The following CTNND2 variants were observed in gnomAD, a reference collection of about 807,000 sequenced individuals.
CTNND2 encodes the protein catenin delta-2.
CTNND2 carries 22 observed loss-of-function variants against 144.4 expected under a neutral mutation model. That is an observed-to-expected ratio of 0.15 (90% confidence interval 0.11 to 0.22). CTNND2 has a LOEUF of 0.22. CTNND2 is among the 10% of genes least tolerant of loss of function. The pLI, the probability that CTNND2 is intolerant of heterozygous loss-of-function variation, is 1.00. For missense variants in CTNND2, 1,353 were observed against 1,618.8 expected (o/e 0.84, Z 2.82); for synonymous variants, 751 against 695.6 (o/e 1.08, Z -1.25).
chr5:11,415,813 CG>C (rs1761891684), intron 3 of CTNND2, among the ~76,000 whole-genome samples: 1 of 151,878 alleles, frequency 6.6e-6, no homozygotes, highest in Non-Finnish European at 1.5e-5. Flanking sequence ...GTCACAAAAG[CG>C]TATGAGAGGA....
At chr5:11,794,155 G>A (rs750349474) in intron 1 of CTNND2, among the ~76,000 whole-genome samples, 2 of 152,322 alleles carry the variant, frequency 1.3e-5, no homozygotes, top group Non-Finnish European at 2.9e-5. Context: ...TTCATTCACA[G>A]ACAAGCTTCC....
intron 10 of CTNND2, among the ~76,000 whole-genome samples, chr5:11,214,549 C>T (rs148613371): frequency 6.6e-6 from 1 of 152,244 alleles, no homozygotes; most frequent in East Asian, 1.9e-4. Context: ...CTACATTCTG[C>T]ACACACAGTA....
At chr5:11,821,398 G>A (rs1793299425) in intron 1 of CTNND2, among the ~76,000 whole-genome samples, 1 of 152,088 alleles carries the variant, frequency 6.6e-6, no homozygotes, top group South Asian at 2.1e-4. Flanking sequence ...ATACATGAAA[G>A]AATTCATAGA....
chr5:11,564,914 CACAG>C, intron 3 of CTNND2, 26 bp downstream of exon 3: 1 of 1,479,466 alleles, frequency 6.8e-7, no homozygotes, highest in South Asian at 1.2e-5. Context: ...CAACTCAAAG[CACAG>C]ACAATGAACA....
chr5:11,765,034 G>GCCCCCCCCCC (rs35099305), intron 1 of CTNND2, among the ~76,000 whole-genome samples: 16 of 143,922 alleles, frequency 1.1e-4, no homozygotes, highest in African/African-American at 2.7e-4. Flanking sequence ...CATTAATCCT[G>GCCCCCCCCCC]CCCCCCCCAC....
At chr5:11,448,846 T>A in intron 3 of CTNND2, among the ~76,000 whole-genome samples, 1 of 152,094 alleles carries the variant, frequency 6.6e-6, no homozygotes, top group East Asian at 1.9e-4. Flanking sequence ...TTGTGTTTTT[T>A]TTTGCTTGTT....
intron 2 of CTNND2, among the ~76,000 whole-genome samples, chr5:11,712,607 G>T (rs1482491050): frequency 3.9e-5 from 6 of 152,048 alleles, no homozygotes. Flanking sequence ...AAACTCTAAA[G>T]TTTCTTATTT....
intron 9 of CTNND2, among the ~76,000 whole-genome samples, chr5:11,310,076 T>C (rs1177127473): frequency 3.9e-5 from 6 of 152,158 alleles, no homozygotes; most frequent in Non-Finnish European, 8.8e-5. Flanking sequence ...TTTTTTTGTT[T>C]GTTTGTTTTA....
At chr5:11,420,147 C>T (rs1762252787) in intron 3 of CTNND2, among the ~76,000 whole-genome samples, 1 of 152,036 alleles carries the variant, frequency 6.6e-6, no homozygotes, top group African/African-American at 2.4e-5. Context: ...CACAGTGAAA[C>T]CCCATCTCTG....
chr5:11,510,121 T>C (rs570494148), intron 3 of CTNND2, among the ~76,000 whole-genome samples: 17 of 152,192 alleles, frequency 1.1e-4, no homozygotes, highest in African/African-American at 4.1e-4. Flanking sequence ...TTTATTTTTG[T>C]AGAGATGATG....
At chr5:11,443,719 A>AT (rs35601755) in intron 3 of CTNND2, among the ~76,000 whole-genome samples, 25,887 of 151,996 alleles carry the variant, frequency 0.17, 3,711 homozygotes, top group African/African-American at 0.4. Flanking sequence ...TAGAAGAAAT[A>AT]TTTTTTTCAC....
chr5:11,641,687 CGTGTGTGTATATACATATACGT>C (rs1782025848), intron 2 of CTNND2, among the ~76,000 whole-genome samples: 1 of 115,188 alleles, frequency 8.7e-6, no homozygotes, highest in Non-Finnish European at 1.8e-5. Context: ...TATACATATA[CGTGTGTGTATATACATATACGT>C]GTGTGTATAC....
chr5:11,588,566 G>C (rs1455356074), intron 2 of CTNND2, among the ~76,000 whole-genome samples: 1 of 152,152 alleles, frequency 6.6e-6, no homozygotes, highest in African/African-American at 2.4e-5. Context: ...ATGTTCAGAT[G>C]CTGAATAAAT....
intron 2 of CTNND2, among the ~76,000 whole-genome samples, chr5:11,623,776 CCTAA>C (rs1434763599): frequency 7.9e-6 from 1 of 126,474 alleles, no homozygotes; most frequent in Admixed American, 8.4e-5. Flanking sequence ...AAGAAGAAGA[CCTAA>C]CTATCGTAAA....
intron 11 of CTNND2, among the ~76,000 whole-genome samples, chr5:11,173,211 A>G (rs1178990748): frequency 6.6e-6 from 1 of 152,226 alleles, no homozygotes; most frequent in African/African-American, 2.4e-5. Flanking sequence ...CAGCTAATGG[A>G]AGAATAAGTA....
chr5:11,330,109 C>CTG (rs1752937810), intron 9 of CTNND2, among the ~76,000 whole-genome samples: 1 of 151,996 alleles, frequency 6.6e-6, no homozygotes. Context: ...TGTACGTTGC[C>CTG]TGTGTTGCCT....
chr5:11,419,968 T>C (rs112833113), intron 3 of CTNND2, among the ~76,000 whole-genome samples: 6,197 of 152,196 alleles, frequency 0.041, 165 homozygotes, highest in Non-Finnish European at 0.058. Context: ...TTAGTCTGCT[T>C]TTGAGTTAAG....
At chr5:11,880,517 C>CACT (rs1553989088) in intron 1 of CTNND2, among the ~76,000 whole-genome samples, 24 of 95,652 alleles carry the variant, frequency 2.5e-4, no homozygotes, top group African/African-American at 6.5e-4. Context: ...CTACTACTAC[C>CACT]ACTACTACTA....
intron 12 of CTNND2, among the ~76,000 whole-genome samples, chr5:11,158,792 C>T (rs1240879937): frequency 6.6e-6 from 1 of 152,146 alleles, no homozygotes; most frequent in Non-Finnish European, 1.5e-5. Context: ...GATTATTTGG[C>T]TAGGTGTTTT....
Sources: gnomAD v4.1 joint callset for allele counts (sites outside exome capture counted in the v4.1 genomes callset) on GRCh38, gnomAD v4.1.1 for gene constraint, MANE v1.5 for transcripts, NCBI Gene and HGNC (gene_info 2026-07-23, HGNC 2026-07-21) for gene names.